Variants in UGT2A3 observed in about 807,000 individuals in gnomAD.
The protein encoded by UGT2A3 is UDP-glucuronosyltransferase 2A3.
A neutral mutation model predicts 44.1 loss-of-function variants in UGT2A3; 55 were observed. The observed-to-expected ratio is 1.25, with a 90% CI of 1.00 to 1.56. The LOEUF (loss-of-function observed/expected upper bound fraction) is 1.56. Among genes scored for constraint, UGT2A3 ranks in the 40% most tolerant of loss-of-function variants. The probability of loss-of-function intolerance (pLI) is 0.00; values close to 1 mark genes in which losing one functional copy is unlikely to be tolerated. For missense variants in UGT2A3, 733 were observed against 621.6 expected (o/e 1.18, Z -1.91); for synonymous variants, 243 against 215.1 (o/e 1.13, Z -1.13).
chr4:68,947,847 T>C (rs557368027), intron 1 of UGT2A3, among the ~76,000 whole-genome samples: 103 of 151,916 alleles, frequency 6.8e-4, no homozygotes, highest in Non-Finnish European at 1.2e-3. Context: ...GAGCAATAGG[T>C]CTCAACAGTG....
At chr4:68,936,383 C>G (rs1449857121) in intron 2 of UGT2A3, among the ~76,000 whole-genome samples, 1 of 152,060 alleles carries the variant, frequency 6.6e-6, no homozygotes, top group Admixed American at 6.6e-5. Context: ...CCCTACAAGC[C>G]AGAAGAGAGT....
At chr4:68,950,016 A>G (rs1044479818) in intron 1 of UGT2A3, among the ~76,000 whole-genome samples, 4 of 151,880 alleles carry the variant, frequency 2.6e-5, no homozygotes, top group African/African-American at 7.2e-5. Flanking sequence ...TTTAAATTTC[A>G]ATCTTGTCAG....
chr4:68,933,909 C>G (rs920502474), intron 2 of UGT2A3, among the ~76,000 whole-genome samples: 1 of 151,950 alleles, frequency 6.6e-6, no homozygotes, highest in African/African-American at 2.4e-5. Flanking sequence ...CTCCTCAGAA[C>G]AGAAAGAATC....
In UGT2A3 at chr4:68,951,765, G is replaced by A. The variant is rs1299293504; in HGVS notation, c.-5C>T. The A allele has an allele frequency of 4.5e-6, 7 of 1,569,510 alleles. No homozygotes were observed. The highest frequency in any genetic ancestry group is 6.0e-6 in the Non-Finnish European group (7 of 1,158,646). On this transcript the variant is annotated 5_prime_UTR_variant, in exon 1 of 6. Transcript: ENST00000251566. The stretch of plus-strand genomic sequence containing the variant: ...AGCTGACTTGTCAGACCTCATGATG[G>A]CAGTTCCCTCACACACTGATCTGCA...
At chr4:68,945,931 G>A (rs1003417336) in intron 1 of UGT2A3, among the ~76,000 whole-genome samples, 1 of 151,358 alleles carries the variant, frequency 6.6e-6, no homozygotes, top group Admixed American at 6.6e-5. Context: ...TATAGTCAAG[G>A]GTATATCTTT....
chr4:68,937,731 T>C (rs2109784364), intron 2 of UGT2A3, among the ~76,000 whole-genome samples: 1 of 152,126 alleles, frequency 6.6e-6, no homozygotes, highest in East Asian at 1.9e-4. Context: ...CTGAAGGAGA[T>C]AGGGACACGA....
At chr4:68,938,352 T>A (rs922839943) in intron 2 of UGT2A3, among the ~76,000 whole-genome samples, 1 of 152,096 alleles carries the variant, frequency 6.6e-6, no homozygotes, top group Admixed American at 6.6e-5. Context: ...AAAAACCTTT[T>A]CCACCATGAT....
intron 2 of UGT2A3, among the ~76,000 whole-genome samples, chr4:68,935,042 A>C (rs1202798659): frequency 6.6e-6 from 1 of 151,684 alleles, no homozygotes; most frequent in African/African-American, 2.4e-5. Flanking sequence ...AACAAGGAGA[A>C]ATAAATAATG....
chr4:68,942,294 GATAT>G, intron 2 of UGT2A3, among the ~76,000 whole-genome samples: 1 of 146,480 alleles, frequency 6.8e-6, no homozygotes, highest in Non-Finnish European at 1.5e-5. Context: ...CATTCCATTG[GATAT>G]ATATACACAC....
chr4:68,948,068 A>G (rs1598904), intron 1 of UGT2A3, among the ~76,000 whole-genome samples: 110,773 of 151,714 alleles, frequency 0.73, 42,059 homozygotes, highest in Non-Finnish European at 0.86. Flanking sequence ...TGTAGCTTCA[A>G]AGACAAGCAT....
At chr4:68,942,153 T>A (rs1005513900) in intron 2 of UGT2A3, among the ~76,000 whole-genome samples, 2 of 151,562 alleles carry the variant, frequency 1.3e-5, no homozygotes, top group African/African-American at 4.8e-5. Flanking sequence ...AACTAAGAAG[T>A]CATAGAGATA....
rs376015768 is a variant in UGT2A3, at chr4:68,944,753, A to G, written c.864+553T>C. ...AGTGGATAGTCACAACACAGAATTC[A>G]TCATATAAATCACAAACAAGATGAC... On this transcript the variant is annotated intron_variant, in intron 2 of 5. Coordinates refer to ENST00000251566, the MANE Select transcript of UGT2A3 (RefSeq NM_024743.4). Among the ~76,000 whole-genome samples the G allele has an allele frequency of 1.9e-3, 295 of 151,910 alleles. 18 individuals carry two copies. The South Asian group carries it at 0.06, about 31-fold the overall frequency.
chr4:68,951,093 T>C lies in UGT2A3; in HGVS notation c.668A>G (p.Gln223Arg). ...MLSVLFHFWI[Q>R]DYDYHFWEEF... Reference sequence around the variant, plus strand: ...TTCCCAAAAATGATAGTCGTAATCCTGAATCCAGAAGTGGAACAAAACTGA... The same window carrying C: ...TTCCCAAAAATGATAGTCGTAATCCCGAATCCAGAAGTGGAACAAAACTGA... The change falls in exon 1 of 6, where the codon CAG becomes CGG. Residue 223 changes from glutamine to arginine, a missense_variant. Physicochemically the swap from Gln to Arg is conservative, Grantham distance 43 (BLOSUM62 1). Transcript: ENST00000251566. The C allele has an allele frequency of 6.2e-7, 1 of 1,608,170 alleles. No individual in the cohort carries two copies. The highest frequency in any genetic ancestry group is 8.5e-7 in the Non-Finnish European group (1 of 1,177,688).
chr4:68,950,344 C>A lies in UGT2A3; in HGVS notation c.715+702G>T, dbSNP rs141395183. On this transcript the variant is annotated intron_variant, in intron 1 of 5. Transcript: ENST00000251566. ...AATACATTAAACAATATTTTAGTGT[C>A]GAATATAATTGTACCTTTTTTCATG... is the stretch of plus-strand genomic sequence containing the variant. 2.3e-3 allele frequency among the ~76,000 whole-genome samples: 343 copies of A among 151,916 alleles called. 1 individual carries two copies. The highest frequency in any genetic ancestry group is 7.9e-3 in the African/African-American group (328 of 41,498).
chr4:68,929,609 TGA>T lies in UGT2A3; in HGVS notation c.*202_*203del. ...GTATTCATGTCCTTGTGTCACAAAG[TGA>T]GAGAAGAGAGTAAAGACACCTAGGA... On this transcript the variant is annotated 3_prime_UTR_variant, in exon 6 of 6. Coordinates refer to ENST00000251566, the MANE Select transcript of UGT2A3 (RefSeq NM_024743.4). 2.1e-6 allele frequency: 1 copy of T among 476,598 alleles called. No homozygotes were observed. Among genetic ancestry groups the T allele is most frequent in the Non-Finnish European group, 3.7e-6 (1 of 269,086 alleles). The allele number at this position is 476,598 out of a possible 1,614,324, so 29.5% of individuals were successfully genotyped here.
chr4:68,932,728 TC>T lies in UGT2A3; in HGVS notation c.895del (p.Glu299LysfsTer47). 1 of 1,610,412 alleles carries T rather than the reference TC, an allele frequency of 6.2e-7. No homozygotes were observed. Among genetic ancestry groups the T allele is most frequent in the South Asian group, 1.1e-5 (1 of 90,718 alleles). Reference protein sequence around the residue: ...EMENFVQSSGEDGIVVFSLGS... With the variant: ...EMENFVQSSGXDGIVVFSLGS... Reference sequence around the variant, plus strand: ...CAGAGAAAACACCACAATACCATCTTCCCCTGAACTCTGGACAAAATTTTCC... The same window carrying T: ...CAGAGAAAACACCACAATACCATCTTCCCTGAACTCTGGACAAAATTTTCC... On this transcript the variant is annotated frameshift_variant, in exon 3 of 6. Coordinates refer to ENST00000251566, the MANE Select transcript of UGT2A3 (RefSeq NM_024743.4). LOFTEE classifies it high-confidence loss of function.
intron 3 of UGT2A3, 40 bp from the exon 4 acceptor site, chr4:68,931,282 G>T (rs112155236): frequency 6.9e-7 from 1 of 1,458,482 alleles, no homozygotes; most frequent in South Asian, 1.2e-5. Context: ...GTGAACCACA[G>T]GATATTAGCA....
intron 2 of UGT2A3, among the ~76,000 whole-genome samples, chr4:68,935,792 C>T (rs751500104): frequency 3.3e-5 from 5 of 151,912 alleles, no homozygotes; most frequent in Admixed American, 6.6e-5. Flanking sequence ...TCTAACCCAT[C>T]GCAAGGAAGA....
intron 3 of UGT2A3, 133 bp downstream of exon 3, chr4:68,932,495 T>C (rs1717772475): frequency 5.8e-6 from 5 of 868,652 alleles, no homozygotes; most frequent in Non-Finnish European, 8.7e-6. Context: ...GTTATGCCCA[T>C]GTACACTACT....
Sources: allele counts gnomAD v4.1 joint callset (sites outside exome capture counted in the v4.1 genomes callset), GRCh38; gene constraint gnomAD v4.1.1; transcripts MANE v1.5; gene names NCBI Gene and HGNC (gene_info 2026-07-23, HGNC 2026-07-21).